Variants in SEMA6D observed in about 807,000 individuals in gnomAD.
SEMA6D encodes the protein semaphorin-6D.
SEMA6D carries 35 observed loss-of-function variants against 106.6 expected under a neutral mutation model. The observed-to-expected ratio is 0.33, with a 90% CI of 0.25 to 0.44. The LOEUF (loss-of-function observed/expected upper bound fraction) is 0.44. Ranked by LOEUF, SEMA6D falls within the 20% of genes least tolerant of loss-of-function variation. The pLI is 1.00. For synonymous variants in SEMA6D, 499 were observed against 487.7 expected (o/e 1.02, Z -0.31); for missense variants, 1,185 against 1,345.9 (o/e 0.88, Z 1.87).
chr15:47,214,593 CCTTTA>C (rs1330290535), intron 1 of SEMA6D, among the ~76,000 whole-genome samples: 1 of 152,178 alleles, frequency 6.6e-6, no homozygotes, highest in East Asian at 1.9e-4. Flanking sequence ...TTGTCTGCTT[CCTTTA>C]CTTTACTTAT....
At chr15:47,424,679 T>C (rs1424685105) in intron 2 of SEMA6D, among the ~76,000 whole-genome samples, 1 of 152,100 alleles carries the variant, frequency 6.6e-6, no homozygotes, top group Non-Finnish European at 1.5e-5. Flanking sequence ...GTCCTACTGA[T>C]GTAGGTAGAA....
chr15:47,476,776 A>G (rs552019242), intron 3 of SEMA6D, among the ~76,000 whole-genome samples: 1 of 152,216 alleles, frequency 6.6e-6, no homozygotes, highest in Admixed American at 6.5e-5. Flanking sequence ...TTTTTCTCCA[A>G]TTCCTAGACT....
At chr15:47,768,344 C>G (rs542635880) in intron 17 of SEMA6D, among the ~76,000 whole-genome samples, 2 of 152,228 alleles carry the variant, frequency 1.3e-5, no homozygotes, top group East Asian at 3.9e-4. Flanking sequence ...TTCCTAAGAG[C>G]CTTTCGAGTA....
At chr15:47,358,238 G>A (rs2038666375) in intron 1 of SEMA6D, among the ~76,000 whole-genome samples, 1 of 152,164 alleles carries the variant, frequency 6.6e-6, no homozygotes, top group Non-Finnish European at 1.5e-5. Context: ...TCCCTGGATG[G>A]ATAGTGGCTG....
intron 1 of SEMA6D, among the ~76,000 whole-genome samples, chr15:47,374,770 C>T (rs1375666178): frequency 1.3e-5 from 2 of 152,124 alleles, no homozygotes. Flanking sequence ...GGCTAGATGC[C>T]TTATTACTCC....
chr15:47,582,679 G>A (rs2143001169), intron 3 of SEMA6D, among the ~76,000 whole-genome samples: 1 of 152,244 alleles, frequency 6.6e-6, no homozygotes, highest in Non-Finnish European at 1.5e-5. Flanking sequence ...AGAAGACTGG[G>A]GAGGAGACGG....
chr15:47,563,902 G>A (rs1366441551), intron 3 of SEMA6D, among the ~76,000 whole-genome samples: 1 of 152,158 alleles, frequency 6.6e-6, no homozygotes, highest in Admixed American at 6.5e-5. Context: ...ATAAGTAACT[G>A]CCCTCACATC....
chr15:47,197,817 C>T (rs556706348), intron 1 of SEMA6D, among the ~76,000 whole-genome samples: 22 of 152,212 alleles, frequency 1.4e-4, no homozygotes, highest in Admixed American at 1.1e-3. Flanking sequence ...TTAATATATA[C>T]ACACTATGGA....
intron 1 of SEMA6D, chr15:47,730,939 G>A: frequency 1.4e-6 from 1 of 730,338 alleles, no homozygotes; most frequent in East Asian, 2.6e-5. Flanking sequence ...TCAGCATCTT[G>A]GGCAGCGGGA....
intron 3 of SEMA6D, among the ~76,000 whole-genome samples, chr15:47,586,012 C>T (rs1310359321): frequency 6.6e-6 from 1 of 152,214 alleles, no homozygotes; most frequent in African/African-American, 2.4e-5. Context: ...CCTGAGACCA[C>T]TGTGGTTCCT....
intron 1 of SEMA6D, among the ~76,000 whole-genome samples, chr15:47,731,588 T>C (rs1318317793): frequency 1.3e-5 from 2 of 152,240 alleles, no homozygotes; most frequent in African/African-American, 4.8e-5. Context: ...CCCAGCTAGC[T>C]GCAAGAACAG....
chr15:47,419,458 A>G (rs2041082097), intron 2 of SEMA6D, among the ~76,000 whole-genome samples: 1 of 152,110 alleles, frequency 6.6e-6, no homozygotes, highest in African/African-American at 2.4e-5. Context: ...TGGAGGGAGA[A>G]TGAACTGGAG....
chr15:47,599,323 G>C (rs1319958878), intron 3 of SEMA6D, among the ~76,000 whole-genome samples: 2 of 152,064 alleles, frequency 1.3e-5, no homozygotes, highest in Admixed American at 6.6e-5. Context: ...GGAGGTTGTT[G>C]CTCCTCTGTT....
At chr15:47,317,754 G>A (rs1002546512) in intron 1 of SEMA6D, among the ~76,000 whole-genome samples, 1 of 152,054 alleles carries the variant, frequency 6.6e-6, no homozygotes, top group Non-Finnish European at 1.5e-5. Flanking sequence ...AGGGTAAGGT[G>A]TTTTTTCTCT....
At chr15:47,739,582 GTACAC>G (rs2080675461) in intron 1 of SEMA6D, among the ~76,000 whole-genome samples, 1 of 152,206 alleles carries the variant, frequency 6.6e-6, no homozygotes, top group African/African-American at 2.4e-5. Context: ...TTTGGTCCAT[GTACAC>G]TGGCAAGATG....
chr15:47,522,466 CACTCT>C (rs1256399215), intron 3 of SEMA6D, among the ~76,000 whole-genome samples: 2 of 152,176 alleles, frequency 1.3e-5, no homozygotes, highest in Non-Finnish European at 2.9e-5. Context: ...GTCTCATTTA[CACTCT>C]ATCTGGAAGG....
intron 3 of SEMA6D, chr15:47,581,419 T>C (rs919641388): frequency 4.1e-6 from 2 of 484,894 alleles, no homozygotes; most frequent in South Asian, 3.0e-5. Context: ...TTGAGAAAAG[T>C]AAATCAGGGA....
intron 1 of SEMA6D, among the ~76,000 whole-genome samples, chr15:47,192,049 A>G (rs1893999920): frequency 6.6e-6 from 1 of 152,216 alleles, no homozygotes; most frequent in African/African-American, 2.4e-5. Flanking sequence ...AGGGAAATAC[A>G]CAACCATGGT....
chr15:47,363,183 A>G (rs1212547490), intron 1 of SEMA6D, among the ~76,000 whole-genome samples: 1 of 152,188 alleles, frequency 6.6e-6, no homozygotes, highest in Admixed American at 6.5e-5. Flanking sequence ...TGAAGATCTG[A>G]GGCATAAAGA....
Sources: allele counts gnomAD v4.1 joint callset (sites outside exome capture counted in the v4.1 genomes callset), GRCh38; gene constraint gnomAD v4.1.1; transcripts MANE v1.5; gene names NCBI Gene and HGNC (gene_info 2026-07-23, HGNC 2026-07-21).